The following RARB variants were observed in gnomAD, a reference collection of about 807,000 sequenced individuals.
RARB encodes retinoic acid receptor beta, also known as HBV-activated protein.
In RARB, 17 loss-of-function variants were observed where a neutral mutation model predicts 51.9. The ratio of observed to expected loss-of-function variants is 0.33; its 90% CI spans 0.22 to 0.49. RARB has a LOEUF of 0.49. Ranked by LOEUF, RARB falls within the 20% of genes least tolerant of loss-of-function variation. The pLI is 0.99. For synonymous variants in RARB, 215 were observed against 195.4 expected (o/e 1.10, Z -0.84); for missense variants, 369 against 550.8 (o/e 0.67, Z 3.30).
At chr3:25,033,373 T>C (rs1327292392) in intron 2 of RARB, among the ~76,000 whole-genome samples, 1 of 152,168 alleles carries the variant, frequency 6.6e-6, no homozygotes. Flanking sequence ...TTCCCAGTCA[T>C]GGGAGAAGCT....
chr3:25,575,308 C>G (rs1190721705), intron 4 of RARB, among the ~76,000 whole-genome samples: 2 of 152,188 alleles, frequency 1.3e-5, no homozygotes, highest in African/African-American at 2.4e-5. Context: ...CGACCAGTAC[C>G]CATCCACGAC....
At chr3:24,936,461 G>T (rs1275495522) in intron 2 of RARB, among the ~76,000 whole-genome samples, 1 of 152,084 alleles carries the variant, frequency 6.6e-6, no homozygotes, top group Non-Finnish European at 1.5e-5. Context: ...TTTCATATTA[G>T]GTTAACCAAG....
chr3:25,254,858 A>G (rs1035542286), intron 5 of RARB, among the ~76,000 whole-genome samples: 2 of 152,114 alleles, frequency 1.3e-5, no homozygotes, highest in African/African-American at 4.8e-5. Context: ...ACATGTTGCT[A>G]TCATGCTTGG....
intron 1 of RARB, among the ~76,000 whole-genome samples, chr3:25,434,554 T>C (rs112457302): frequency 0.14 from 20,675 of 147,138 alleles, 1,364 homozygotes; most frequent in Non-Finnish European, 0.2. Flanking sequence ...TTCTTTTTTT[T>C]TTTTTGAGAT....
chr3:24,971,708 A>G (rs35145790), intron 2 of RARB, among the ~76,000 whole-genome samples: 16,800 of 152,072 alleles, frequency 0.11, 1,256 homozygotes, highest in Non-Finnish European at 0.16. Context: ...CTGGAACAGT[A>G]AGGATAATCA....
intron 2 of RARB, among the ~76,000 whole-genome samples, chr3:24,971,041 T>C (rs1341757975): frequency 6.6e-6 from 1 of 151,972 alleles, no homozygotes; most frequent in Non-Finnish European, 1.5e-5. Flanking sequence ...TGTACTTTAT[T>C]ATCAGGTTAT....
At chr3:25,327,813 A>G (rs1296339286) in intron 5 of RARB, among the ~76,000 whole-genome samples, 2 of 152,230 alleles carry the variant, frequency 1.3e-5, no homozygotes, top group African/African-American at 4.8e-5. Flanking sequence ...TAATTGGTAT[A>G]TTATCTGGTC....
rs907764623 is a variant in RARB at position 25,304,999 on chromosome 3, C to T, written c.178+130424C>T. ...TCAGGGTTGCTGTACCCTACAGGTG[C>T]CATTACAGTTCAGAAACTGAGATAC... is the stretch of plus-strand genomic sequence containing the variant. On this transcript the variant is annotated intron_variant, in intron 5 of 11. Transcript: ENST00000383772. Among the ~76,000 whole-genome samples, 3 of 152,146 alleles carry T rather than the reference C, an allele frequency of 2.0e-5. 1 individual carries two copies. Among genetic ancestry groups the T allele is most frequent in the Admixed American group, 2.0e-4 (3 of 15,276 alleles).
chr3:24,895,338 G>A (rs139033240), intron 2 of RARB, among the ~76,000 whole-genome samples: 136 of 152,260 alleles, frequency 8.9e-4, no homozygotes, highest in African/African-American at 2.7e-3. Context: ...CTCTGAATTA[G>A]TGACTCTCAA....
At chr3:25,316,415 G>A (rs980857002) in intron 5 of RARB, among the ~76,000 whole-genome samples, 1 of 151,866 alleles carries the variant, frequency 6.6e-6, no homozygotes, top group Non-Finnish European at 1.5e-5. Context: ...AGTGGAGTCT[G>A]TAAATATTTT....
At chr3:25,142,598 T>G (rs1700126179) in intron 4 of RARB, among the ~76,000 whole-genome samples, 1 of 152,144 alleles carries the variant, frequency 6.6e-6, no homozygotes. Flanking sequence ...ATTTTTTTTT[T>G]TTTTGGTAAA....
chr3:25,211,772 G>A (rs1342414192), intron 5 of RARB, among the ~76,000 whole-genome samples: 2 of 152,150 alleles, frequency 1.3e-5, no homozygotes, highest in East Asian at 3.8e-4. Context: ...AAATGAATAT[G>A]TACATCTGTG....
intron 2 of RARB, among the ~76,000 whole-genome samples, chr3:24,863,591 CAG>C (rs962771726): frequency 1.3e-5 from 2 of 151,996 alleles, no homozygotes; most frequent in African/African-American, 2.4e-5. Context: ...AAATAGAAAA[CAG>C]GGAATAAGAT....
intron 3 of RARB, among the ~76,000 whole-genome samples, chr3:25,105,044 A>G (rs1699473131): frequency 6.6e-6 from 1 of 152,244 alleles, no homozygotes; most frequent in Non-Finnish European, 1.5e-5. Context: ...AAGAATTAAT[A>G]GTTTAATAAA....
intron 1 of RARB, among the ~76,000 whole-genome samples, chr3:25,442,957 A>C (rs1034519256): frequency 1.3e-5 from 2 of 152,010 alleles, no homozygotes; most frequent in Non-Finnish European, 2.9e-5. Flanking sequence ...CATTTCAACA[A>C]ACTTCAGGGA....
At chr3:25,195,977 A>T (rs1419456130) in intron 5 of RARB, among the ~76,000 whole-genome samples, 1 of 151,984 alleles carries the variant, frequency 6.6e-6, no homozygotes, top group East Asian at 1.9e-4. Context: ...TTTTGTGGTT[A>T]TATTTGTTCC....
rs549903147 is a variant in RARB at position 24,963,841 on chromosome 3, ATTAATCT to A, written c.-379-96279_-379-96273del. 4.2e-3 allele frequency among the ~76,000 whole-genome samples: 633 copies of A among 152,242 alleles called. 4 individuals carry two copies. Among genetic ancestry groups the A allele is most frequent in the African/African-American group, 0.014 (585 of 41,536 alleles). On this transcript the variant is annotated intron_variant, in intron 2 of 11. Transcript: ENST00000383772. ...CTTACTTAGGTGCAAACAATATTTG[ATTAATCT>A]TTAAAAGGAATTTCAGAGACAAGTC...
At chr3:25,075,221 G>A (rs1052758491) in intron 3 of RARB, among the ~76,000 whole-genome samples, 2 of 152,118 alleles carry the variant, frequency 1.3e-5, no homozygotes, top group Non-Finnish European at 2.9e-5. Context: ...GTCTGCTTGC[G>A]TTTTGTCCTC....
chr3:25,543,469 T>A (rs1275270185), intron 3 of RARB, among the ~76,000 whole-genome samples: 5 of 152,136 alleles, frequency 3.3e-5, no homozygotes, highest in Admixed American at 3.3e-4. Flanking sequence ...AAGATGGCCC[T>A]TCCATGAGTG....
Sources: gnomAD v4.1 joint callset for allele counts (sites outside exome capture counted in the v4.1 genomes callset) on GRCh38, gnomAD v4.1.1 for gene constraint, MANE v1.5 for transcripts, NCBI Gene and HGNC (gene_info 2026-07-23, HGNC 2026-07-21) for gene names.